SOBP: variants seen among roughly 807,000 people sequenced by gnomAD.
SOBP encodes the protein sine oculis binding protein homolog.
SOBP carries 4 observed loss-of-function variants against 53.6 expected under a neutral mutation model. That is an observed-to-expected ratio of 0.07 (90% confidence interval 0.04 to 0.17). The LOEUF (loss-of-function observed/expected upper bound fraction) is 0.17. SOBP is among the 10% of genes least tolerant of loss of function. SOBP has a pLI of 1.00. For synonymous variants in SOBP, 584 were observed against 522.6 expected (o/e 1.12, Z -1.60); for missense variants, 1,088 against 1,204.7 (o/e 0.90, Z 1.43).
chr6:107,493,369 G>A (rs1046356645), intron 1 of SOBP, among the ~76,000 whole-genome samples: 1 of 152,156 alleles, frequency 6.6e-6, no homozygotes, highest in Non-Finnish European at 1.5e-5. Flanking sequence ...CTGTAAAAAC[G>A]GAAACCTGAG....
At chr6:107,549,666 G>A (rs1383884301) in intron 4 of SOBP, among the ~76,000 whole-genome samples, 1 of 151,864 alleles carries the variant, frequency 6.6e-6, no homozygotes, top group Admixed American at 6.6e-5. Context: ...GTAAGTATCA[G>A]TTAATTTTTA....
chr6:107,549,832 G>A (rs538902595), intron 4 of SOBP, among the ~76,000 whole-genome samples: 5 of 152,218 alleles, frequency 3.3e-5, no homozygotes, highest in Admixed American at 1.3e-4. Context: ...GTGATGTACT[G>A]GAGAAAACCT....
intron 4 of SOBP, among the ~76,000 whole-genome samples, chr6:107,570,485 T>G (rs1785043311): frequency 6.6e-6 from 1 of 152,248 alleles, no homozygotes; most frequent in Non-Finnish European, 1.5e-5. Context: ...ACAGTATTTT[T>G]GATTCAAAAG....
At chr6:107,511,013 AATTT>A (rs527483246) in intron 3 of SOBP, among the ~76,000 whole-genome samples, 76 of 152,326 alleles carry the variant, frequency 5.0e-4, no homozygotes, top group African/African-American at 1.8e-3. Flanking sequence ...GAGTTTATGA[AATTT>A]ATTCACATTG....
At chr6:107,648,598 T>C (rs1342484027) in intron 6 of SOBP, among the ~76,000 whole-genome samples, 1 of 151,926 alleles carries the variant, frequency 6.6e-6, no homozygotes, top group Non-Finnish European at 1.5e-5. Flanking sequence ...AGGCCATGTA[T>C]GTCTCTAAGG....
chr6:107,548,092 G>A (rs1179601792), intron 4 of SOBP, among the ~76,000 whole-genome samples: 1 of 152,146 alleles, frequency 6.6e-6, no homozygotes, highest in Non-Finnish European at 1.5e-5. Context: ...TGAATCAAAT[G>A]TAAAGGAGCA....
At chr6:107,556,048 A>T (rs973590057) in intron 4 of SOBP, among the ~76,000 whole-genome samples, 25 of 152,340 alleles carry the variant, frequency 1.6e-4, no homozygotes, top group African/African-American at 4.3e-4. Flanking sequence ...AGAGATTTTT[A>T]AAAATGAGGA....
At chr6:107,623,784 A>C (rs1479791707) in intron 5 of SOBP, among the ~76,000 whole-genome samples, 1 of 152,226 alleles carries the variant, frequency 6.6e-6, no homozygotes, top group Non-Finnish European at 1.5e-5. Context: ...ATGAGCCCTT[A>C]GAAGAAAAAG....
chr6:107,653,309 A>G (rs1250656425), intron 6 of SOBP, among the ~76,000 whole-genome samples: 1 of 152,234 alleles, frequency 6.6e-6, no homozygotes, highest in Non-Finnish European at 1.5e-5. Context: ...CATTGACCGC[A>G]GGGCTCTACC....
chr6:107,564,173 G>A (rs1784851017), intron 4 of SOBP, among the ~76,000 whole-genome samples: 1 of 152,140 alleles, frequency 6.6e-6, no homozygotes, highest in South Asian at 2.1e-4. Flanking sequence ...CATATTGTGA[G>A]CTGTAGGCTG....
intron 5 of SOBP, among the ~76,000 whole-genome samples, chr6:107,593,374 C>CAG (rs1785829251): frequency 6.6e-6 from 1 of 152,188 alleles, no homozygotes; most frequent in Non-Finnish European, 1.5e-5. Context: ...CTTCAGATTT[C>CAG]AGAGCCATTG....
chr6:107,536,175 A>G (rs970867131), intron 4 of SOBP, among the ~76,000 whole-genome samples: 2 of 152,214 alleles, frequency 1.3e-5, no homozygotes, highest in African/African-American at 4.8e-5. Flanking sequence ...GCTGTAAATT[A>G]TGCTTTATGA....
At chr6:107,568,544 G>C (rs1054749928) in intron 4 of SOBP, among the ~76,000 whole-genome samples, 2 of 152,168 alleles carry the variant, frequency 1.3e-5, no homozygotes, top group South Asian at 2.1e-4. Flanking sequence ...TAGGTTGGGA[G>C]CAACACACAC....
chr6:107,497,067 A>G (rs1230388454), intron 1 of SOBP, among the ~76,000 whole-genome samples: 1 of 152,226 alleles, frequency 6.6e-6, no homozygotes, highest in Non-Finnish European at 1.5e-5. Flanking sequence ...TCTTCTGCAG[A>G]TTACCTTTCT....
At chr6:107,643,781 G>A (rs1197726182) in intron 6 of SOBP, among the ~76,000 whole-genome samples, 1 of 152,148 alleles carries the variant, frequency 6.6e-6, no homozygotes, top group East Asian at 1.9e-4. Flanking sequence ...CTATAATTGA[G>A]TAGTATCTGA....
chr6:107,610,766 G>A (rs190754604), intron 5 of SOBP, among the ~76,000 whole-genome samples: 143 of 150,940 alleles, frequency 9.5e-4, no homozygotes, highest in African/African-American at 3.0e-3. Context: ...CTTTCTTTGC[G>A]CATGTGTGTG....
At chr6:107,557,676 A>G (rs1784653566) in intron 4 of SOBP, among the ~76,000 whole-genome samples, 1 of 152,090 alleles carries the variant, frequency 6.6e-6, no homozygotes, top group Admixed American at 6.5e-5. Context: ...TGTAGATGAT[A>G]CTTGGTTATT....
intron 5 of SOBP, among the ~76,000 whole-genome samples, chr6:107,610,794 A>ACG (rs1256969766): frequency 6.7e-5 from 8 of 119,658 alleles, no homozygotes; most frequent in Non-Finnish European, 9.8e-5. Context: ...GTGTGTGCAC[A>ACG]CGCACACACA....
At chr6:107,497,766 A>G (rs941056780) in intron 1 of SOBP, among the ~76,000 whole-genome samples, 1 of 152,170 alleles carries the variant, frequency 6.6e-6, no homozygotes, top group Non-Finnish European at 1.5e-5. Context: ...TTTAACTAGG[A>G]TTCCTATTGT....
Sources: gnomAD v4.1 joint callset for allele counts (sites outside exome capture counted in the v4.1 genomes callset) on GRCh38, gnomAD v4.1.1 for gene constraint, MANE v1.5 for transcripts, NCBI Gene and HGNC (gene_info 2026-07-23, HGNC 2026-07-21) for gene names.